Variants in NR6A1 observed in about 807,000 individuals in gnomAD.
NR6A1 encodes retinoic acid receptor-related testis-associated receptor.
In NR6A1, 7 loss-of-function variants were observed where a neutral mutation model predicts 59.1. The ratio of observed to expected loss-of-function variants is 0.12; its 90% CI spans 0.07 to 0.22. The LOEUF is 0.22. NR6A1 is among the 10% of genes least tolerant of loss of function. The pLI is 1.00. For synonymous variants in NR6A1, 243 were observed against 236.1 expected (o/e 1.03, Z -0.27); for missense variants, 468 against 611.6 (o/e 0.77, Z 2.48).
chr9:124,672,510 G>A (rs1179324683), intron 2 of NR6A1, among the ~76,000 whole-genome samples: 1 of 152,104 alleles, frequency 6.6e-6, no homozygotes. Context: ...AGCAACTCGG[G>A]AGGCTGAGGC....
intron 2 of NR6A1, among the ~76,000 whole-genome samples, chr9:124,665,725 C>CGA (rs1837592777): frequency 6.6e-6 from 1 of 152,148 alleles, no homozygotes; most frequent in African/African-American, 2.4e-5. Context: ...TAGTACTCAA[C>CGA]CCATGACTAA....
chr9:124,769,827 C>T (rs1841060626), intron 1 of NR6A1, among the ~76,000 whole-genome samples: 1 of 152,206 alleles, frequency 6.6e-6, no homozygotes, highest in African/African-American at 2.4e-5. Flanking sequence ...CCTCCCGGGG[C>T]GATCGCCTGC....
At chr9:124,734,961 C>G (rs1280277610) in intron 1 of NR6A1, among the ~76,000 whole-genome samples, 1 of 152,178 alleles carries the variant, frequency 6.6e-6, no homozygotes, top group Admixed American at 6.5e-5. Flanking sequence ...TCTCCTGCCT[C>G]AGTCTCCTGA....
rs150980270 is a variant in NR6A1, at chr9:124,682,049, C to T, written c.142+51259G>A. On this transcript the variant is annotated intron_variant, in intron 2 of 9. Transcript: ENST00000487099. ...TGCTCTTGTTGCCCAGGCTGGAGTG[C>T]AATGACATGATCTTGGCTCACTGCA... Among the ~76,000 whole-genome samples, 667 of 152,136 alleles carry T rather than the reference C, an allele frequency of 4.4e-3. 5 individuals are homozygous for T. The highest frequency in any genetic ancestry group is 0.015 in the African/African-American group (622 of 41,466).
In NR6A1 at chr9:124,619,821, G is replaced by C. The variant is rs1588714481; in HGVS notation, c.143-65251C>G. Among the ~76,000 whole-genome samples, 9 of 152,256 alleles carry C rather than the reference G, an allele frequency of 5.9e-5. No homozygotes were observed. In the South Asian group the frequency reaches 1.9e-3, roughly 32 times the overall value. On this transcript the variant is annotated intron_variant, in intron 2 of 9. Transcript: ENST00000487099. ...TCACGCCTGTAATCCCAGCACTTTG[G>C]GAGGCCGAGGCAGGTGGATCACCTG...
At chr9:124,600,971 C>T (rs1835428511) in intron 2 of NR6A1, among the ~76,000 whole-genome samples, 1 of 147,900 alleles carries the variant, frequency 6.8e-6, no homozygotes, top group Non-Finnish European at 1.5e-5. Flanking sequence ...AAAAAGACTA[C>T]AGAGTGTGCT....
chr9:124,530,109 G>A (rs1448488997), intron 7 of NR6A1, among the ~76,000 whole-genome samples: 2 of 152,184 alleles, frequency 1.3e-5, no homozygotes, highest in African/African-American at 2.4e-5. Flanking sequence ...CTAGCCAGGA[G>A]TGCCAAACCT....
intron 3 of NR6A1, among the ~76,000 whole-genome samples, chr9:124,551,859 C>T (rs1163532327): frequency 6.6e-6 from 1 of 152,174 alleles, no homozygotes; most frequent in Non-Finnish European, 1.5e-5. Flanking sequence ...ACATTCCTTA[C>T]CCCCAAAATA....
chr9:124,661,477 T>A (rs910045700), intron 2 of NR6A1, among the ~76,000 whole-genome samples: 4 of 152,204 alleles, frequency 2.6e-5, no homozygotes, highest in Non-Finnish European at 5.9e-5. Context: ...TCTTCTGTGA[T>A]CCATTAGTAA....
At chr9:124,580,131 T>G (rs187255636) in intron 2 of NR6A1, among the ~76,000 whole-genome samples, 1 of 152,242 alleles carries the variant, frequency 6.6e-6, no homozygotes, top group African/African-American at 2.4e-5. Context: ...ACATGAATAT[T>G]TATAGCACTT....
chr9:124,761,100 A>G (rs558149622), intron 1 of NR6A1, among the ~76,000 whole-genome samples: 4 of 152,388 alleles, frequency 2.6e-5, no homozygotes, highest in Admixed American at 1.3e-4. Context: ...CTCAGTTATT[A>G]GGTTTCGTAA....
chr9:124,584,183 C>T (rs1016858939), intron 2 of NR6A1, among the ~76,000 whole-genome samples: 4 of 151,456 alleles, frequency 2.6e-5, no homozygotes, highest in Non-Finnish European at 4.4e-5. Context: ...TCTCAGCTCA[C>T]TGCAACCTCC....
chr9:124,602,685 C>T (rs1276262087), intron 2 of NR6A1, among the ~76,000 whole-genome samples: 1 of 152,206 alleles, frequency 6.6e-6, no homozygotes, highest in African/African-American at 2.4e-5. Context: ...GAAAAGACTT[C>T]TATCTAAAAA....
chr9:124,563,557 A>G (rs1033726687), intron 2 of NR6A1, among the ~76,000 whole-genome samples: 3 of 152,210 alleles, frequency 2.0e-5, no homozygotes, highest in Admixed American at 2.0e-4. Context: ...ATACAGTACA[A>G]GATGCTAAGA....
chr9:124,588,746 C>A (rs1209448202), intron 2 of NR6A1, among the ~76,000 whole-genome samples: 1 of 148,914 alleles, frequency 6.7e-6, no homozygotes, highest in Non-Finnish European at 1.5e-5. Flanking sequence ...CGTGAAACCC[C>A]GTCTCTACTA....
chr9:124,722,870 G>A (rs1306791737), intron 2 of NR6A1, among the ~76,000 whole-genome samples: 3 of 151,900 alleles, frequency 2.0e-5, no homozygotes, highest in South Asian at 2.1e-4. Flanking sequence ...ACAGGTACAC[G>A]CCTAGAGTCG....
intron 2 of NR6A1, among the ~76,000 whole-genome samples, chr9:124,567,893 A>C (rs956249536): frequency 6.7e-6 from 1 of 148,226 alleles, no homozygotes; most frequent in African/African-American, 2.5e-5. Context: ...AAAGAGAAAC[A>C]GGCTGGGCAC....
chr9:124,637,905 A>G (rs977635250), intron 2 of NR6A1, among the ~76,000 whole-genome samples: 13 of 151,096 alleles, frequency 8.6e-5, no homozygotes, highest in East Asian at 1.9e-4. Context: ...AAAAAAAAAA[A>G]AAAAAAAGAA....
At chr9:124,535,339 A>G (rs1310497529) in intron 7 of NR6A1, among the ~76,000 whole-genome samples, 1 of 152,184 alleles carries the variant, frequency 6.6e-6, no homozygotes, top group Non-Finnish European at 1.5e-5. Context: ...GCACTTTGAG[A>G]GGCTGAGACG....
Sources: allele counts gnomAD v4.1 joint callset (sites outside exome capture counted in the v4.1 genomes callset), GRCh38; gene constraint gnomAD v4.1.1; transcripts MANE v1.5; gene names NCBI Gene and HGNC (gene_info 2026-07-23, HGNC 2026-07-21).